CRACD: variants seen among roughly 807,000 people sequenced by gnomAD.
The protein encoded by CRACD is capping protein inhibiting regulator of actin dynamics.
A neutral mutation model predicts 106.8 loss-of-function variants in CRACD; 56 were observed. The observed-to-expected ratio is 0.52, with a 90% confidence interval of 0.42 to 0.66. The LOEUF (loss-of-function observed/expected upper bound fraction) is 0.66, where lower values mean the gene tolerates loss of function less well. CRACD is among the 30% of genes least tolerant of loss of function. CRACD has a pLI of 0.00. For synonymous variants in CRACD, 754 were observed against 670.8 expected, an observed-to-expected ratio of 1.12 and a Z score of -1.92; for missense variants, 1,730 against 1,623.2, an observed-to-expected ratio of 1.07 and a Z score of -1.13.
At chr4:56,265,044 T>C (rs1741928055) in intron 2 of CRACD, among the ~76,000 whole-genome samples, 1 of 152,200 alleles carries the variant, frequency 6.6e-6, no homozygotes, top group South Asian at 2.1e-4. Context: ...AGCCTTGTCA[T>C]AGCATGGCCC....
intron 2 of CRACD, among the ~76,000 whole-genome samples, chr4:56,236,747 A>G (rs1739990021): frequency 6.6e-6 from 1 of 152,320 alleles, no homozygotes; most frequent in East Asian, 1.9e-4. Context: ...CTAAAAAAAA[A>G]AAACAAAACT....
At chr4:56,063,934 G>A (rs1314935728) in intron 1 of CRACD, among the ~76,000 whole-genome samples, 1 of 152,152 alleles carries the variant, frequency 6.6e-6, no homozygotes, top group African/African-American at 2.4e-5. Context: ...GTTTTCTGCA[G>A]CAACTGCACC....
At chr4:56,294,913 C>CAAAAAAAAAAAAAAAAAAAATAAAAAA (rs1743908932) in intron 3 of CRACD, among the ~76,000 whole-genome samples, 2 of 72,166 alleles carry the variant, frequency 2.8e-5, no homozygotes, top group Admixed American at 1.9e-4. Flanking sequence ...GACCTTGTCT[C>CAAAAAAAAAAAAAAAAAAAATAAAAAA]AAAAAAAAAA....
intron 1 of CRACD, among the ~76,000 whole-genome samples, chr4:56,077,060 C>G (rs1732863339): frequency 6.6e-6 from 1 of 152,114 alleles, no homozygotes; most frequent in African/African-American, 2.4e-5. Flanking sequence ...GCTGTAGGCC[C>G]CTTCACATTT....
chr4:56,134,301 A>G (rs1234623907), intron 1 of CRACD, among the ~76,000 whole-genome samples: 2 of 152,198 alleles, frequency 1.3e-5, no homozygotes, highest in Non-Finnish European at 2.9e-5. Context: ...CTAATTAATC[A>G]TACCCCCCAT....
intron 3 of CRACD, among the ~76,000 whole-genome samples, chr4:56,294,230 A>AG: frequency 6.6e-6 from 1 of 152,194 alleles, no homozygotes; most frequent in Admixed American, 6.5e-5. Context: ...CTTAAAAAAA[A>AG]AAAAAAGAAT....
intron 4 of CRACD, among the ~76,000 whole-genome samples, chr4:56,305,059 G>A (rs6844657): frequency 0.29 from 43,818 of 151,446 alleles, 6,778 homozygotes; most frequent in East Asian, 0.63. Flanking sequence ...GTCACTACAA[G>A]AAAATCTGAA....
intron 2 of CRACD, among the ~76,000 whole-genome samples, chr4:56,220,468 G>A (rs1738969638): frequency 6.6e-6 from 1 of 152,160 alleles, no homozygotes; most frequent in South Asian, 2.1e-4. Context: ...TAGCCTGCTG[G>A]GGCCTGCTGG....
At chr4:56,068,402 A>G (rs922572262) in intron 1 of CRACD, among the ~76,000 whole-genome samples, 8 of 152,204 alleles carry the variant, frequency 5.3e-5, no homozygotes, top group South Asian at 4.1e-4. Context: ...ATCAGACTCT[A>G]TAGGGCCTGG....
chr4:56,133,292 A>G (rs1734887395), intron 1 of CRACD, among the ~76,000 whole-genome samples: 1 of 152,234 alleles, frequency 6.6e-6, no homozygotes, highest in South Asian at 2.1e-4. Context: ...TCCAACGGGC[A>G]ATGTGTAGTG....
intron 3 of CRACD, among the ~76,000 whole-genome samples, chr4:56,289,500 C>T (rs1370426974): frequency 6.6e-6 from 1 of 151,874 alleles, no homozygotes; most frequent in African/African-American, 2.4e-5. Context: ...GGCAAGATCC[C>T]ATCTTTATGA....
At chr4:56,272,520 C>G (rs1560511947) in intron 3 of CRACD, 28 bp downstream of exon 3, 1 of 152,530 alleles carries the variant, frequency 6.6e-6, no homozygotes, top group African/African-American at 2.4e-5. Context: ...CCTTTCAGAT[C>G]TTTGGTGGAG....
At chr4:56,118,380 A>G (rs955967735) in intron 1 of CRACD, among the ~76,000 whole-genome samples, 1 of 152,206 alleles carries the variant, frequency 6.6e-6, no homozygotes, top group Admixed American at 6.5e-5. Context: ...GATCCTGAGG[A>G]CACATTCTTT....
At chr4:56,225,996 T>C (rs1739280598) in intron 2 of CRACD, among the ~76,000 whole-genome samples, 1 of 152,216 alleles carries the variant, frequency 6.6e-6, no homozygotes, top group Non-Finnish European at 1.5e-5. Context: ...TATTATTCAG[T>C]GTCACCAGAA....
intron 4 of CRACD, among the ~76,000 whole-genome samples, chr4:56,303,221 T>A (rs542327675): frequency 6.6e-6 from 1 of 152,240 alleles, no homozygotes; most frequent in South Asian, 2.1e-4. Flanking sequence ...GGCATGTGCC[T>A]GTAATCCCAG....
Position 56,313,387 on chromosome 4 carries a change from G to A in CRACD, c.537+8G>A, listed in dbSNP as rs1745284517. 2 of 1,609,404 alleles carry A rather than the reference G, an allele frequency of 1.2e-6. No homozygotes were observed. Among genetic ancestry groups the A allele is most frequent in the Non-Finnish European group, 1.7e-6 (2 of 1,177,482 alleles). ...CACAGGCGCCTTGCCCAGGTGTGTA[G>A]AGCCTGCACGGGCTGACCAGGCAGG... is the stretch of plus-strand genomic sequence containing the variant. On this transcript the variant is annotated splice_region_variant and intron_variant, in intron 7 of 10. Transcript: ENST00000682029.
chr4:56,139,452 G>C (rs1735120170), intron 1 of CRACD, among the ~76,000 whole-genome samples: 1 of 152,168 alleles, frequency 6.6e-6, no homozygotes, highest in Non-Finnish European at 1.5e-5. Flanking sequence ...CCAGAGGCAA[G>C]GATATGGAGG....
chr4:56,239,163 C>T (rs927626167), intron 2 of CRACD, among the ~76,000 whole-genome samples: 3 of 151,936 alleles, frequency 2.0e-5, no homozygotes, highest in South Asian at 2.1e-4. Flanking sequence ...TATGGTGGTA[C>T]GTGCCTGTAA....
chr4:56,282,721 G>C (rs560778), intron 3 of CRACD, among the ~76,000 whole-genome samples: 3,269 of 152,272 alleles, frequency 0.021, 108 homozygotes, highest in African/African-American at 0.075. Context: ...GGCTGTCACA[G>C]TTCCAGGTGT....
Sources: allele counts gnomAD v4.1 joint callset (sites outside exome capture counted in the v4.1 genomes callset), GRCh38; gene constraint gnomAD v4.1.1; transcripts MANE v1.5; gene names NCBI Gene and HGNC (gene_info 2026-07-23, HGNC 2026-07-21).